The following AGPAT5 variants were observed in gnomAD, a reference collection of about 807,000 sequenced individuals.
AGPAT5 encodes 1-acylglycerol-3-phosphate O-acyltransferase 5.
AGPAT5 carries 46 observed loss-of-function variants against 45.6 expected under a neutral mutation model. That is an observed-to-expected ratio of 1.01 (90% CI 0.80 to 1.29). The LOEUF is 1.29. Ranked by LOEUF, AGPAT5 falls within the 50% of genes most tolerant of loss-of-function variation. AGPAT5 has a pLI of 0.00. For synonymous variants in AGPAT5, 272 were observed against 167.0 expected (o/e 1.63, Z -4.85); for missense variants, 673 against 450.7 (o/e 1.49, Z -4.47).
At chr8:6,716,646 C>G (rs759326563) in intron 1 of AGPAT5, among the ~76,000 whole-genome samples, 1 of 152,082 alleles carries the variant, frequency 6.6e-6, no homozygotes, top group Non-Finnish European at 1.5e-5. Context: ...TCAGCCTGAC[C>G]AACATGGAGA....
At chr8:6,740,905 C>G (rs1801225238) in intron 4 of AGPAT5, among the ~76,000 whole-genome samples, 1 of 152,070 alleles carries the variant, frequency 6.6e-6, no homozygotes, top group African/African-American at 2.4e-5. Flanking sequence ...TTATTTTTGT[C>G]TTTTGGCTGT....
At chr8:6,746,203 T>G (rs756933375) in intron 5 of AGPAT5, 1 of 152,446 alleles carries the variant, frequency 6.6e-6, no homozygotes, top group Non-Finnish European at 1.5e-5. Context: ...TCTCTTTGTT[T>G]CCCTGCCTCC....
chr8:6,725,105 A>G (rs894587042), intron 2 of AGPAT5, among the ~76,000 whole-genome samples, 166 bp downstream of exon 2: 3 of 152,238 alleles, frequency 2.0e-5, no homozygotes, highest in African/African-American at 7.2e-5. Flanking sequence ...TTGGAAAGTC[A>G]GAAACTTGAA....
chr8:6,753,097 G>A (rs1266263563), intron 6 of AGPAT5, among the ~76,000 whole-genome samples: 1 of 152,180 alleles, frequency 6.6e-6, no homozygotes, highest in Non-Finnish European at 1.5e-5. Flanking sequence ...ATACTCAAAA[G>A]CATGCCGTAA....
In AGPAT5 at chr8:6,759,503, T is replaced by C. The variant is rs1437985812; in HGVS notation, c.*2115T>C. On this transcript the variant is annotated 3_prime_UTR_variant, in exon 8 of 8. Coordinates refer to ENST00000285518, the MANE Select transcript of AGPAT5 (RefSeq NM_018361.5). The stretch of plus-strand genomic sequence containing the variant: ...GCCGTATACCTACCTGTAAGTCTTT[T>C]CACATATCATTTAAACTTTTGTTTG... 6.6e-6 allele frequency: 1 copy of C among 152,242 alleles called. No individual in the cohort carries two copies. The highest frequency in any genetic ancestry group is 2.4e-5 in the African/African-American group (1 of 41,460). The allele number at this position is 152,242 out of a possible 1,614,324, so 9.4% of individuals were successfully genotyped here.
chr8:6,750,196 G>A (rs892084363), intron 6 of AGPAT5, among the ~76,000 whole-genome samples: 3 of 152,156 alleles, frequency 2.0e-5, no homozygotes, highest in African/African-American at 7.2e-5. Context: ...CACTGATGGC[G>A]TGTGTTACAG....
At chr8:6,719,049 A>G (rs1800419697) in intron 1 of AGPAT5, among the ~76,000 whole-genome samples, 1 of 152,228 alleles carries the variant, frequency 6.6e-6, no homozygotes, top group Admixed American at 6.5e-5. Flanking sequence ...AGATTGTAAA[A>G]ATTTGTTTTA....
intron 7 of AGPAT5, among the ~76,000 whole-genome samples, chr8:6,756,359 G>T (rs766917090): frequency 6.6e-6 from 1 of 152,130 alleles, no homozygotes; most frequent in Non-Finnish European, 1.5e-5. Context: ...GGCTGTGGTG[G>T]CTCATGCATG....
At chr8:6,741,981 C>T (rs541924634) in intron 5 of AGPAT5, among the ~76,000 whole-genome samples, 3 of 152,094 alleles carry the variant, frequency 2.0e-5, no homozygotes, top group Non-Finnish European at 4.4e-5. Flanking sequence ...TGTTACGATA[C>T]ATATTCTTGT....
chr8:6,736,373 T>C lies in AGPAT5; in HGVS notation c.495+3723T>C, dbSNP rs17574520. Among the ~76,000 whole-genome samples the C allele has an allele frequency of 8.1e-3, 1,230 of 152,326 alleles. 7 individuals are homozygous for C. The highest frequency in any genetic ancestry group is 0.012 in the Non-Finnish European group (813 of 68,022). On this transcript the variant is annotated intron_variant, in intron 4 of 7. Transcript: ENST00000285518. ...CAGTGTTTTAAATTATTGTTTTTCA[T>C]TATATGAAGTGCTGTGTGGTTTTTG...
chr8:6,736,647 C>T (rs919396360), intron 4 of AGPAT5, among the ~76,000 whole-genome samples: 3 of 152,174 alleles, frequency 2.0e-5, no homozygotes, highest in Admixed American at 6.5e-5. Flanking sequence ...TGTCTTTCTC[C>T]GGAGAACATT....
At chr8:6,744,936 C>A (rs1389000487) in intron 5 of AGPAT5, among the ~76,000 whole-genome samples, 1 of 152,236 alleles carries the variant, frequency 6.6e-6, no homozygotes, top group Non-Finnish European at 1.5e-5. Context: ...TGACTGCCTT[C>A]TGCAGCCAAG....
intron 1 of AGPAT5, among the ~76,000 whole-genome samples, chr8:6,714,735 A>G (rs1219162268): frequency 6.6e-6 from 1 of 152,224 alleles, no homozygotes; most frequent in Non-Finnish European, 1.5e-5. Context: ...CTTTAGTTAA[A>G]TGAACTTCTT....
chr8:6,722,084 G>T (rs1336183528), intron 1 of AGPAT5, among the ~76,000 whole-genome samples: 4 of 152,142 alleles, frequency 2.6e-5, no homozygotes, highest in African/African-American at 7.2e-5. Flanking sequence ...GCTCCCAGGG[G>T]TGGTAAATTG....
intron 1 of AGPAT5, among the ~76,000 whole-genome samples, chr8:6,712,409 ATAAAT>A (rs1229642268): frequency 1.3e-5 from 2 of 152,142 alleles, no homozygotes; most frequent in Non-Finnish European, 2.9e-5. Context: ...TGAAATCCTG[ATAAAT>A]TAAAGGTGAT....
At position 6,750,013 on chromosome 8, in the gene AGPAT5, A is replaced by T. The variant is rs760375433; in HGVS notation, c.745+2185A>T. 3.3e-4 allele frequency among the ~76,000 whole-genome samples: 50 copies of T among 152,100 alleles called. 1 individual carries two copies. Among genetic ancestry groups the T allele is most frequent in the Non-Finnish European group, 3.5e-4 (24 of 68,016 alleles). ...GGCTGACTGAGTCCTCCTGCACCCCATGCATATTCAGTAGTTGAAGGCTTT... is the reference window on the plus strand; with the variant it reads ...GGCTGACTGAGTCCTCCTGCACCCCTTGCATATTCAGTAGTTGAAGGCTTT... On this transcript the variant is annotated intron_variant, in intron 6 of 7. Transcript: ENST00000285518.
rs541310533 is a variant in AGPAT5 at position 6,759,580 on chromosome 8, G to A, written c.*2192G>A. The A allele has an allele frequency of 1.3e-5, 2 of 151,940 alleles. No individual in the cohort carries two copies. Among genetic ancestry groups the A allele is most frequent in the African/African-American group, 2.4e-5 (1 of 41,468 alleles). The allele number at this position is 151,940 out of a possible 1,614,324, so 9.4% of individuals were successfully genotyped here. A position where few individuals can be genotyped will look rare whatever the true frequency, so the allele number is the denominator to read the frequency against. ...ATTAATTTTTCTTTATAAGAATGCC[G>A]TCGATGTGCATGCTTTTATGTTTTT... is the stretch of plus-strand genomic sequence containing the variant. On this transcript the variant is annotated 3_prime_UTR_variant, in exon 8 of 8. Coordinates refer to ENST00000285518, the MANE Select transcript of AGPAT5 (RefSeq NM_018361.5).
At chr8:6,745,858 A>G (rs1327345407) in intron 5 of AGPAT5, 2 of 151,488 alleles carry the variant, frequency 1.3e-5, no homozygotes, top group African/African-American at 4.9e-5. Flanking sequence ...GATTCTTGCC[A>G]TTTTACAGAC....
intron 5 of AGPAT5, among the ~76,000 whole-genome samples, chr8:6,743,847 C>G (rs1482395527): frequency 6.6e-6 from 1 of 151,418 alleles, no homozygotes; most frequent in Non-Finnish European, 1.5e-5. Context: ...TTTGAACTCT[C>G]TTAAAAGAAA....
Sources: gnomAD v4.1 joint callset for allele counts (sites outside exome capture counted in the v4.1 genomes callset) on GRCh38, gnomAD v4.1.1 for gene constraint, MANE v1.5 for transcripts, NCBI Gene and HGNC (gene_info 2026-07-23, HGNC 2026-07-21) for gene names.